HENMT1: variants seen among roughly 807,000 people sequenced by gnomAD.
HENMT1 encodes the protein HEN methyltransferase 1.
A neutral mutation model predicts 31.1 loss-of-function variants in HENMT1; 27 were observed. That is an observed-to-expected ratio of 0.87 (90% CI 0.64 to 1.20). The LOEUF is 1.20. Among genes scored for constraint, HENMT1 ranks in the 50% most tolerant of loss-of-function variants. The pLI, the probability that HENMT1 is intolerant of heterozygous loss-of-function variation, is 0.00. For synonymous variants in HENMT1, 167 were observed against 172.2 expected (o/e 0.97, Z 0.24); for missense variants, 438 against 469.6 (o/e 0.93, Z 0.62).
At chr1:108,660,388 G>A (rs1488515017) in intron 1 of HENMT1, among the ~76,000 whole-genome samples, 3 of 151,976 alleles carry the variant, frequency 2.0e-5, no homozygotes, top group African/African-American at 7.3e-5. Flanking sequence ...AGCAATCTTA[G>A]GAGTTCTGCC....
At position 108,648,488 on chromosome 1, in the gene HENMT1, G is replaced by T; in HGVS notation, c.*78C>A. 8.4e-7 allele frequency: 1 copy of T among 1,194,102 alleles called. No individual in the cohort carries two copies. The highest frequency in any genetic ancestry group is 1.5e-5 in the South Asian group (1 of 66,114). 74.0% of individuals were successfully genotyped at this position (1,194,102 alleles called of 1,614,324 possible). ...AACTTTAAAAACATTACTTGAATTA[G>T]GATTACACAAAAAAAACTAAATTCT... On this transcript the variant is annotated 3_prime_UTR_variant, in exon 8 of 8. Coordinates refer to ENST00000651461, the MANE Select transcript of HENMT1 (RefSeq NM_001102592.2).
At chr1:108,657,784 G>C (rs1045848823) in intron 2 of HENMT1, among the ~76,000 whole-genome samples, 6 of 152,006 alleles carry the variant, frequency 3.9e-5, no homozygotes, top group Non-Finnish European at 8.8e-5. Context: ...CTTTTAACAA[G>C]AGAGAATCTA....
intron 5 of HENMT1, among the ~76,000 whole-genome samples, chr1:108,654,422 G>A (rs1658151349): frequency 6.6e-6 from 1 of 152,166 alleles, no homozygotes; most frequent in South Asian, 2.1e-4. Flanking sequence ...AGATGGAGGA[G>A]GGGTGAACAG....
intron 2 of HENMT1, among the ~76,000 whole-genome samples, chr1:108,659,053 G>A (rs980967214): frequency 6.6e-6 from 1 of 152,104 alleles, no homozygotes; most frequent in African/African-American, 2.4e-5. Flanking sequence ...CAATATAAGA[G>A]ATTTTAGATT....
Position 108,657,441 on chromosome 1 carries a change from A to G in HENMT1, c.150+10T>C, listed in dbSNP as rs1232925894. ...TTAATAATTAAATGTTTGGAAAGAG[A>G]AATACCTACCTTCTTAGGCTCATGT... On this transcript the variant is annotated intron_variant, in intron 3 of 7. Coordinates refer to ENST00000651461, the MANE Select transcript of HENMT1 (RefSeq NM_001102592.2). The G allele has an allele frequency of 6.3e-7, 1 of 1,590,398 alleles. No homozygotes were observed. The highest frequency in any genetic ancestry group is 1.7e-5 in the Admixed American group (1 of 58,192).
rs1658276398 is a variant in HENMT1, at chr1:108,657,351, CCT to C, written c.150+98_150+99del. On this transcript the variant is annotated intron_variant, in intron 3 of 7. Coordinates refer to ENST00000651461, the MANE Select transcript of HENMT1 (RefSeq NM_001102592.2). Reference sequence around the variant, plus strand: ...CGGCATTCTCCCTATTGCAATAACCCCTGTGAAAAGTCTCTCCATACTAATCC... The same window carrying C: ...CGGCATTCTCCCTATTGCAATAACCCGTGAAAAGTCTCTCCATACTAATCC... 1.0e-5 allele frequency: 8 copies of C among 800,166 alleles called. No homozygotes were observed. In the South Asian group the frequency reaches 1.2e-4, roughly 12 times the overall value. 49.6% of individuals were successfully genotyped at this position (800,166 alleles called of 1,614,324 possible).
At position 108,650,370 on chromosome 1, in the gene HENMT1, A is replaced by G. The variant is rs1186660843; in HGVS notation, c.597T>C (p.Asn199=). 1.2e-6 allele frequency: 2 copies of G among 1,613,204 alleles called. No individual in the cohort carries two copies. The highest frequency in any genetic ancestry group is 2.2e-5 in the East Asian group (1 of 44,882). ...EFQTWALYVA[N]RYDYSVEFTG... is the part of the protein sequence containing the mutation. Reference sequence around the variant, plus strand: ...TAAACTCCACAGAGTAATCATAGCGATTTGCCACATATAAAGCCCTGAAAC... The same window carrying G: ...TAAACTCCACAGAGTAATCATAGCGGTTTGCCACATATAAAGCCCTGAAAC... The change falls in exon 7 of 8, where the codon AAT becomes AAC. Residue 199 remains asparagine, a synonymous_variant. Transcript: ENST00000651461.
chr1:108,654,073 G>A (rs1339196373), intron 5 of HENMT1, among the ~76,000 whole-genome samples: 1 of 152,162 alleles, frequency 6.6e-6, no homozygotes, highest in Non-Finnish European at 1.5e-5. Flanking sequence ...TACAGTGAGA[G>A]ATAGGAGTCT....
intron 2 of HENMT1, 118 bp downstream of exon 2, chr1:108,659,746 C>T (rs1008592925): frequency 3.1e-6 from 2 of 645,860 alleles, no homozygotes; most frequent in Non-Finnish European, 2.7e-6. Flanking sequence ...TTACCTCAAC[C>T]AACACCCCGG....
Position 108,655,848 on chromosome 1 carries a change from TACACACACACACACAC to T in HENMT1, c.151-166_151-151del, listed in dbSNP as rs61122468. ...GAAGGATCTTTTTGGCAGAAGATGCTACACACACACACACACACACACACACACACACACACACACA... is the reference window on the plus strand; with the variant it reads ...GAAGGATCTTTTTGGCAGAAGATGCTACACACACACACACACACACACACA... On this transcript the variant is annotated intron_variant, in intron 3 of 7. Transcript: ENST00000651461. 163 of 234,024 alleles carry T rather than the reference TACACACACACACACAC, an allele frequency of 7.0e-4. 2 individuals carry two copies. In the East Asian group the frequency reaches 9.0e-3, roughly 13 times the overall value. The allele number at this position is 234,024 out of a possible 1,614,324, so 14.5% of individuals were successfully genotyped here. A position where few individuals can be genotyped will look rare whatever the true frequency, so the allele number is the denominator to read the frequency against.
intron 5 of HENMT1, among the ~76,000 whole-genome samples, chr1:108,652,344 A>G (rs942056260): frequency 3.9e-5 from 6 of 152,242 alleles, no homozygotes; most frequent in African/African-American, 1.4e-4. Context: ...AACAGGACAC[A>G]GTGTATCCAA....
At position 108,660,971 on chromosome 1, in the gene HENMT1, A is replaced by T. The variant is rs547211050; in HGVS notation, c.-87T>A. 1.0e-6 allele frequency: 1 copy of T among 985,112 alleles called. No homozygotes were observed. The highest frequency in any genetic ancestry group is 4.7e-5 in the South Asian group (1 of 21,290). 61.0% of individuals were successfully genotyped at this position (985,112 alleles called of 1,614,324 possible). ...AAAGAAACCCTGCTCACTGAAACCA[A>T]CGCTTCTGTCTTTGTACGGGCCGTC... is the stretch of plus-strand genomic sequence containing the variant. On this transcript the variant is annotated 5_prime_UTR_variant, in exon 1 of 8. In the 5' UTR this introduces an upstream ATG that the reference lacks. Coordinates refer to ENST00000651461, the MANE Select transcript of HENMT1 (RefSeq NM_001102592.2).
upstream of HENMT1, chr1:108,661,110 G>T: frequency 1.8e-6 from 1 of 540,840 alleles, no homozygotes; most frequent in Non-Finnish European, 2.4e-6. Context: ...GCACGGCCTC[G>T]CTGCGTGACG....
At chr1:108,652,565 T>G (rs974819029) in intron 5 of HENMT1, among the ~76,000 whole-genome samples, 18 of 152,042 alleles carry the variant, frequency 1.2e-4, no homozygotes, top group African/African-American at 4.3e-4. Flanking sequence ...CTTGCTGCCA[T>G]CCCATCTAAG....
chr1:108,659,949 C>A lies in HENMT1; in HGVS notation c.-65G>T. On this transcript the variant is annotated 5_prime_UTR_variant, in exon 2 of 8. The change abolishes the stop of an existing upstream ORF in the 5' untranslated region. Transcript: ENST00000651461. ...TCCTTCAAGCTCTATTTGAGAGAAT[C>A]AGCACTGACTCAGCTGTAATAAATA... 1 of 1,547,592 alleles carries A rather than the reference C, an allele frequency of 6.5e-7. No individual in the cohort carries two copies. Among genetic ancestry groups the A allele is most frequent in the South Asian group, 1.2e-5 (1 of 81,598 alleles).
rs1180215510 is a variant in HENMT1 at position 108,654,768 on chromosome 1, CAACG to C, written c.342_345del (p.Val115TrpfsTer12). On this transcript the variant is annotated frameshift_variant, in exon 5 of 8. Transcript: ENST00000651461. LOFTEE classifies it high-confidence loss of function. ...CCAAGCAAACGAGAGTCTCTCTCCACAACGGAGCCATGATACAATGTGATGGTCA... is the reference window on the plus strand; with the variant it reads ...CCAAGCAAACGAGAGTCTCTCTCCACGAGCCATGATACAATGTGATGGTCA... The C allele has an allele frequency of 6.2e-7, 1 of 1,613,984 alleles. No individual in the cohort carries two copies. The highest frequency in any genetic ancestry group is 1.3e-5 in the African/African-American group (1 of 74,918).
intron 5 of HENMT1, among the ~76,000 whole-genome samples, chr1:108,651,938 G>A (rs981662121): frequency 3.9e-5 from 6 of 152,070 alleles, no homozygotes; most frequent in Admixed American, 6.6e-5. Context: ...GCATCAAGGA[G>A]GACAAAATCA....
chr1:108,658,036 CACAT>C (rs1437322253), intron 2 of HENMT1, among the ~76,000 whole-genome samples: 440 of 134,656 alleles, frequency 3.3e-3, no homozygotes, highest in Non-Finnish European at 5.0e-3. Context: ...TACACACACA[CACAT>C]ATATATACAC....
At position 108,648,634 on chromosome 1, in the gene HENMT1, G is replaced by C. The variant is rs749577260; in HGVS notation, c.1114C>G (p.Leu372Val). ...MRSVIADSIP[L>V]SSDGSAVVAD... is the part of the protein sequence containing the mutation. ...ACCACTGCAGAACCATCACTGCTCA[G>C]AGGAATTGAGTCAGCAATGACTGAT... The change falls in exon 8 of 8, where the codon CTG becomes GTG. Residue 372 changes from leucine (L) to valine (V), a missense_variant. Coordinates refer to ENST00000651461, the MANE Select transcript of HENMT1 (RefSeq NM_001102592.2). The C allele has an allele frequency of 8.1e-6, 13 of 1,614,218 alleles. No individual in the cohort carries two copies. Among genetic ancestry groups the C allele is most frequent in the South Asian group, 2.2e-5 (2 of 91,086 alleles).
Sources: gnomAD v4.1 joint callset for allele counts (sites outside exome capture counted in the v4.1 genomes callset) on GRCh38, gnomAD v4.1.1 for gene constraint, MANE v1.5 for transcripts, NCBI Gene and HGNC (gene_info 2026-07-23, HGNC 2026-07-21) for gene names.